The following PRKN variants were observed in gnomAD, a reference collection of about 807,000 sequenced individuals.
PRKN encodes the protein E3 ubiquitin-protein ligase parkin.
Under a neutral mutation model 59.5 loss-of-function variants are expected in PRKN, and 56 were observed. The ratio of observed to expected loss-of-function variants is 0.94; its 90% confidence interval spans 0.76 to 1.18. The LOEUF is 1.18. PRKN is among the 50% of genes most tolerant of loss of function. The pLI is 0.00. For synonymous variants in PRKN, 250 were observed against 222.1 expected (o/e 1.13, Z -1.12); for missense variants, 657 against 596.4 (o/e 1.10, Z -1.06).
rs534031992 is a variant in PRKN at position 161,951,682 on chromosome 6, G to A, written c.734+21620C>T. Among the ~76,000 whole-genome samples the A allele has an allele frequency of 3.3e-5, 5 of 152,264 alleles. No individual in the cohort carries two copies. The South Asian group carries it at 8.3e-4, about 25-fold the overall frequency. On this transcript the variant is annotated intron_variant, in intron 6 of 11. Transcript: ENST00000366898. ...TGTTATCCCAGCACTTCGGGAGGCCGAGGCGGGCAGATCATTTGAGGTCAG... is the reference window on the plus strand; with the variant it reads ...TGTTATCCCAGCACTTCGGGAGGCCAAGGCGGGCAGATCATTTGAGGTCAG...
intron 1 of PRKN, among the ~76,000 whole-genome samples, chr6:162,500,146 G>A (rs1793290997): frequency 6.7e-6 from 1 of 148,862 alleles, no homozygotes; most frequent in African/African-American, 2.5e-5. Context: ...ACACCAAACA[G>A]CCACAAACAG....
At chr6:161,940,856 T>C (rs1779538785) in intron 6 of PRKN, among the ~76,000 whole-genome samples, 1 of 152,198 alleles carries the variant, frequency 6.6e-6, no homozygotes, top group African/African-American at 2.4e-5. Flanking sequence ...CACAGCCTCT[T>C]AGAGCTGGAA....
intron 2 of PRKN, among the ~76,000 whole-genome samples, chr6:162,343,278 T>A (rs1268105390): frequency 6.6e-6 from 1 of 152,204 alleles, no homozygotes; most frequent in African/African-American, 2.4e-5. Flanking sequence ...TTAATATTTT[T>A]AAAATGATAA....
rs1023276999 is a variant in PRKN, at chr6:162,511,346, T to C, written c.8-67873A>G. On this transcript the variant is annotated intron_variant, in intron 1 of 11. Coordinates refer to ENST00000366898, the MANE Select transcript of PRKN (RefSeq NM_004562.3). ...TGCCTACTTATAGACATTCTAGATG[T>C]ACATGTACCATATTGCCTTAAAGTG... 2.6e-5 allele frequency among the ~76,000 whole-genome samples: 4 copies of C among 152,176 alleles called. No individual in the cohort carries two copies. The East Asian group carries it at 7.7e-4, about 29-fold the overall frequency.
Position 161,790,035 on chromosome 6 carries a change from G to A in PRKN, c.735-4127C>T, listed in dbSNP as rs78031865. 6.5e-3 allele frequency among the ~76,000 whole-genome samples: 992 copies of A among 152,270 alleles called. 12 individuals carry two copies. The highest frequency in any genetic ancestry group is 0.023 in the African/African-American group (955 of 41,528). On this transcript the variant is annotated intron_variant, in intron 6 of 11. Coordinates refer to ENST00000366898, the MANE Select transcript of PRKN (RefSeq NM_004562.3). Reference sequence around the variant, plus strand: ...TTATACTTGGCTTACACAATCACAGGGCGTAGTTGAGAGACATAAGATTAC... The same window carrying A: ...TTATACTTGGCTTACACAATCACAGAGCGTAGTTGAGAGACATAAGATTAC...
chr6:161,635,047 C>T (rs563955777), intron 7 of PRKN, among the ~76,000 whole-genome samples: 8 of 152,226 alleles, frequency 5.3e-5, no homozygotes, highest in South Asian at 4.1e-4. Flanking sequence ...GTAATTAAAA[C>T]GGGAGACTTA....
At chr6:161,714,213 GAAGA>G (rs1562627120) in intron 7 of PRKN, among the ~76,000 whole-genome samples, 1 of 152,154 alleles carries the variant, frequency 6.6e-6, no homozygotes, top group Non-Finnish European at 1.5e-5. Flanking sequence ...GAAAAGAGGG[GAAGA>G]AAGAGAGCCC....
At chr6:162,540,400 A>G (rs1778881844) in intron 1 of PRKN, among the ~76,000 whole-genome samples, 1 of 152,096 alleles carries the variant, frequency 6.6e-6, no homozygotes, top group South Asian at 2.1e-4. Context: ...CAAAGATCCC[A>G]TTAATGTTTA....
At chr6:162,653,946 T>G (rs964172025) in intron 1 of PRKN, among the ~76,000 whole-genome samples, 14 of 152,186 alleles carry the variant, frequency 9.2e-5, no homozygotes, top group Non-Finnish European at 1.9e-4. Context: ...AAACAAAAAC[T>G]GCTTTCTTTG....
At chr6:162,367,019 T>C (rs973575553) in intron 2 of PRKN, among the ~76,000 whole-genome samples, 3 of 152,176 alleles carry the variant, frequency 2.0e-5, no homozygotes, top group Non-Finnish European at 2.9e-5. Flanking sequence ...TCATCTCGAA[T>C]TGTAGTTCCC....
intron 2 of PRKN, among the ~76,000 whole-genome samples, chr6:162,279,473 GAGAAA>G (rs60648529): frequency 2.7e-4 from 41 of 151,904 alleles, no homozygotes; most frequent in South Asian, 6.3e-4. Flanking sequence ...GAGAAGAGAA[GAGAAA>G]AGAAAAGAAA....
intron 2 of PRKN, among the ~76,000 whole-genome samples, chr6:162,436,176 CAAAAAAAAAAAAA>C (rs35792526): frequency 5.5e-5 from 3 of 54,686 alleles, no homozygotes; most frequent in Non-Finnish European, 6.6e-5. Context: ...ACTCCATCTC[CAAAAAAAAAAAAA>C]AAAAAAAAAA....
At chr6:162,339,114 AGTGAGGAGCCCCTCCGCCCGGCAGCCGC>A (rs1784006261) in intron 2 of PRKN, among the ~76,000 whole-genome samples, 1 of 142,820 alleles carries the variant, frequency 7.0e-6, no homozygotes, top group East Asian at 2.3e-4. Flanking sequence ...CCGTCTGAGA[AGTGAGGAGCCCCTCCGCCCGGCAGCCGC>A]CCCGTCTGAG....
At chr6:161,765,596 C>T (rs1789391625) in intron 7 of PRKN, among the ~76,000 whole-genome samples, 1 of 152,082 alleles carries the variant, frequency 6.6e-6, no homozygotes, top group Non-Finnish European at 1.5e-5. Flanking sequence ...AAGCTGTGTA[C>T]AACCGAGAAC....
At chr6:161,851,542 C>T (rs182900172) in intron 6 of PRKN, among the ~76,000 whole-genome samples, 3 of 151,728 alleles carry the variant, frequency 2.0e-5, no homozygotes, top group East Asian at 2.0e-4. Context: ...AATGCAGTGG[C>T]GTGATCTCAG....
intron 6 of PRKN, among the ~76,000 whole-genome samples, chr6:161,856,041 T>C (rs563860917): frequency 6.6e-6 from 1 of 152,308 alleles, no homozygotes; most frequent in East Asian, 1.9e-4. Flanking sequence ...TCTCTGTCTC[T>C]CTGCCTCAAT....
At chr6:161,436,330 C>A (rs966697109) in intron 9 of PRKN, among the ~76,000 whole-genome samples, 17 of 60,930 alleles carry the variant, frequency 2.8e-4, no homozygotes, top group South Asian at 1.5e-3. Flanking sequence ...GAGGAGGAGG[C>A]GGGATGGGAG....
At chr6:161,610,985 G>A (rs933891488) in intron 7 of PRKN, among the ~76,000 whole-genome samples, 12 of 152,264 alleles carry the variant, frequency 7.9e-5, no homozygotes, top group Admixed American at 5.2e-4. Flanking sequence ...TTTTGAGGGC[G>A]GGGATAGGAT....
At chr6:161,780,980 A>G (rs1790179668) in intron 7 of PRKN, among the ~76,000 whole-genome samples, 1 of 152,220 alleles carries the variant, frequency 6.6e-6, no homozygotes, top group Admixed American at 6.5e-5. Context: ...CTTGTGACAA[A>G]CCGAACTATA....
Sources: gnomAD v4.1 joint callset for allele counts (sites outside exome capture counted in the v4.1 genomes callset) on GRCh38, gnomAD v4.1.1 for gene constraint, MANE v1.5 for transcripts, NCBI Gene and HGNC (gene_info 2026-07-23, HGNC 2026-07-21) for gene names.